The following EIPR1 variants were observed in gnomAD, a reference collection of about 807,000 sequenced individuals.
The protein encoded by EIPR1 is EARP and GARP complex-interacting protein 1.
EIPR1 carries 25 observed loss-of-function variants against 48.1 expected under a neutral mutation model. That is an observed-to-expected ratio of 0.52 (90% CI 0.38 to 0.73). The LOEUF is 0.73. Among genes scored for constraint, EIPR1 ranks in the 30% least tolerant of loss-of-function variants. EIPR1 has a pLI of 0.00. For missense variants in EIPR1, 415 were observed against 506.2 expected, an observed-to-expected ratio of 0.82 and a Z score of 1.73; for synonymous variants, 204 against 201.9, an observed-to-expected ratio of 1.01 and a Z score of -0.09.
At chr2:3,233,219 T>A (rs1310281786) in intron 4 of EIPR1, among the ~76,000 whole-genome samples, 3 of 152,134 alleles carry the variant, frequency 2.0e-5, no homozygotes, top group Admixed American at 6.5e-5. Flanking sequence ...CTTTTTTTTT[T>A]AACTTAAAAT....
rs1378402410 is a variant in EIPR1, at chr2:3,214,138, C to G, written c.516+11G>C. ...TACAGAAACAAACGCTGTGTTGTTG[C>G]TTTTACTTACCACAGCCTGGCTCGA... On this transcript the variant is annotated intron_variant, in intron 5 of 8. Coordinates refer to ENST00000382125, the MANE Select transcript of EIPR1 (RefSeq NM_003310.5). 2 of 1,611,392 alleles carry G rather than the reference C, an allele frequency of 1.2e-6. No individual in the cohort carries two copies. The highest frequency in any genetic ancestry group is 3.3e-5 in the Admixed American group (2 of 59,796).
intron 3 of EIPR1, among the ~76,000 whole-genome samples, chr2:3,296,726 TAC>T (rs1182262300): frequency 4.0e-5 from 6 of 150,376 alleles, no homozygotes; most frequent in African/African-American, 4.9e-5. Context: ...CCATCCTCCC[TAC>T]ACACACACAC....
At chr2:3,329,590 C>A (rs1038339398) in intron 3 of EIPR1, among the ~76,000 whole-genome samples, 1 of 149,404 alleles carries the variant, frequency 6.7e-6, no homozygotes, top group Non-Finnish European at 1.5e-5. Flanking sequence ...AGGGTACTAG[C>A]CTGGACTCCT....
chr2:3,325,838 C>T (rs28488309), intron 3 of EIPR1, among the ~76,000 whole-genome samples: 31,041 of 152,262 alleles, frequency 0.2, 4,955 homozygotes, highest in East Asian at 0.58. Context: ...TACAGAAAGA[C>T]GCACCACCCT....
At chr2:3,218,267 C>G (rs1185785492) in intron 4 of EIPR1, among the ~76,000 whole-genome samples, 44 of 71,646 alleles carry the variant, frequency 6.1e-4, no homozygotes, top group South Asian at 2.0e-3. Context: ...TTCACAGTGA[C>G]CCAGGTGCAC....
intron 4 of EIPR1, among the ~76,000 whole-genome samples, chr2:3,230,899 T>G (rs1360036511): frequency 2.0e-5 from 3 of 152,234 alleles, no homozygotes; most frequent in Non-Finnish European, 4.4e-5. Context: ...CATCAGAACT[T>G]TGATGGGGAT....
chr2:3,234,276 C>T (rs1410827641), intron 4 of EIPR1, among the ~76,000 whole-genome samples: 1 of 152,212 alleles, frequency 6.6e-6, no homozygotes, highest in Non-Finnish European at 1.5e-5. Flanking sequence ...ATACCTAATA[C>T]ATCGCATGCT....
At chr2:3,352,721 G>A (rs1670615654) in intron 2 of EIPR1, among the ~76,000 whole-genome samples, 1 of 152,252 alleles carries the variant, frequency 6.6e-6, no homozygotes, top group African/African-American at 2.4e-5. Context: ...GAGTGGCTGG[G>A]CGCAGTGGCT....
intron 2 of EIPR1, among the ~76,000 whole-genome samples, chr2:3,340,023 C>T (rs1305445831): frequency 1.3e-5 from 2 of 152,232 alleles, no homozygotes; most frequent in Non-Finnish European, 2.9e-5. Flanking sequence ...GGCGGCTGCT[C>T]CCCTTTCGCC....
rs753826179 is a variant in EIPR1, at chr2:3,377,683, C to T, written c.7G>A (p.Asp3Asn). 15 of 1,580,916 alleles carry T rather than the reference C, an allele frequency of 9.5e-6. No individual in the cohort carries two copies. Among genetic ancestry groups the T allele is most frequent in the African/African-American group, 1.3e-5 (1 of 74,144 alleles). ...AGCCCGTAGATCACTGGTGCATCGT[C>T]CTCCATGCTGCGGGGAAGCGACCCG... The part of the protein sequence containing the change: ME[D>N]DAPVIYGLEF... The change falls in exon 1 of 9, where the codon GAC becomes AAC. Residue 3 changes from aspartate (D) to asparagine (N), a missense_variant. Transcript: ENST00000382125.
intron 4 of EIPR1, among the ~76,000 whole-genome samples, chr2:3,245,090 A>C (rs1666753657): frequency 6.6e-6 from 1 of 152,160 alleles, no homozygotes; most frequent in Non-Finnish European, 1.5e-5. Flanking sequence ...TCTCCTTTCT[A>C]ATAATTAATT....
In EIPR1 at chr2:3,189,133, CT is replaced by C. The variant is rs2103097994; in HGVS notation, c.*200del. 2.3e-6 allele frequency: 1 copy of C among 440,014 alleles called. No homozygotes were observed. Among genetic ancestry groups the C allele is most frequent in the Admixed American group, 4.1e-5 (1 of 24,504 alleles). 27.3% of individuals were successfully genotyped at this position (440,014 alleles called of 1,614,324 possible). A position where few individuals can be genotyped will look rare whatever the true frequency, so the allele number is the denominator to read the frequency against. On this transcript the variant is annotated 3_prime_UTR_variant, in exon 9 of 9. Transcript: ENST00000382125. This position sits in a 1 kb window ranked among gnomAD's most constrained non-coding sequence, Gnocchi z 4.6. ...GGGGCTCTGTCTCTGCCGACAGGGG[CT>C]GGGTTCGGGCATTAGCTGTGCCGTC...
chr2:3,278,214 C>T (rs891646484), intron 3 of EIPR1, among the ~76,000 whole-genome samples: 8 of 152,160 alleles, frequency 5.3e-5, no homozygotes, highest in Non-Finnish European at 8.8e-5. Flanking sequence ...GAGGGGGAGA[C>T]GCAGGTGGAT....
At chr2:3,308,171 A>C (rs758494307) in intron 3 of EIPR1, among the ~76,000 whole-genome samples, 16 of 152,226 alleles carry the variant, frequency 1.1e-4, no homozygotes, top group Non-Finnish European at 1.9e-4. Context: ...AGCCCGTGGA[A>C]GAAGGCCAGG....
chr2:3,267,825 C>T (rs1414392894), intron 3 of EIPR1, among the ~76,000 whole-genome samples: 2 of 152,212 alleles, frequency 1.3e-5, no homozygotes, highest in African/African-American at 4.8e-5. Context: ...GACCGAATGG[C>T]CTACAAAGCC....
At position 3,333,032 on chromosome 2, in the gene EIPR1, C is replaced by T. The variant is rs1176873796; in HGVS notation, c.259+4985G>A. Among the ~76,000 whole-genome samples the T allele has an allele frequency of 2.6e-5, 4 of 152,296 alleles. No homozygotes were observed. The South Asian group carries it at 6.2e-4, about 24-fold the overall frequency. The stretch of plus-strand genomic sequence containing the variant: ...TTCTAAGACAGTGTGAAGAGAACAT[C>T]ACTCTTCAAGGAGACTGCCTGTGGG... On this transcript the variant is annotated intron_variant, in intron 3 of 8. Coordinates refer to ENST00000382125, the MANE Select transcript of EIPR1 (RefSeq NM_003310.5).
chr2:3,348,124 T>C (rs559417834), intron 2 of EIPR1, among the ~76,000 whole-genome samples: 2 of 152,224 alleles, frequency 1.3e-5, no homozygotes, highest in East Asian at 3.9e-4. Context: ...GGAACAAAGC[T>C]ATCACGAATC....
intron 4 of EIPR1, among the ~76,000 whole-genome samples, chr2:3,226,314 T>C (rs535662789): frequency 5.4e-4 from 83 of 152,360 alleles, no homozygotes; most frequent in Non-Finnish European, 7.1e-4. Context: ...CTGGCCATCC[T>C]AACAGGTGTG....
At chr2:3,348,015 G>C (rs1356077848) in intron 2 of EIPR1, among the ~76,000 whole-genome samples, 1 of 152,218 alleles carries the variant, frequency 6.6e-6, no homozygotes, top group African/African-American at 2.4e-5. Context: ...GAATCTGAAT[G>C]TTGACCAAGC....
Sources: gnomAD v4.1 joint callset for allele counts (sites outside exome capture counted in the v4.1 genomes callset) on GRCh38, gnomAD v4.1.1 for gene constraint, Gnocchi (gnomAD v3.1) non-coding constraint, MANE v1.5 for transcripts, NCBI Gene and HGNC (gene_info 2026-07-23, HGNC 2026-07-21) for gene names.